KCNMA1: variants seen among roughly 807,000 people sequenced by gnomAD.
KCNMA1 encodes the protein potassium calcium-activated channel subfamily M alpha 1.
Under a neutral mutation model 140.0 loss-of-function variants are expected in KCNMA1, and 29 were observed. That is an observed-to-expected ratio of 0.21 (90% CI 0.15 to 0.28). KCNMA1 has a LOEUF of 0.28. Among genes scored for constraint, KCNMA1 ranks in the 10% least tolerant of loss-of-function variants. The probability of loss-of-function intolerance (pLI) is 1.00; values close to 1 mark genes in which losing one functional copy is unlikely to be tolerated. For synonymous variants in KCNMA1, 612 were observed against 611.9 expected (o/e 1.00, Z 0.00); for missense variants, 880 against 1,602.2 (o/e 0.55, Z 7.70).
chr10:77,492,572 T>C (rs982691665), intron 1 of KCNMA1, among the ~76,000 whole-genome samples: 1 of 152,184 alleles, frequency 6.6e-6, no homozygotes, highest in Non-Finnish European at 1.5e-5. Context: ...AATGGAGGTA[T>C]AGGGAAGTTA....
intron 5 of KCNMA1, chr10:77,140,659 A>G (rs2098143872): frequency 6.6e-6 from 1 of 152,116 alleles, no homozygotes; most frequent in Non-Finnish European, 1.5e-5. Context: ...ACCAGCATCT[A>G]TGTCCTGGTG....
intron 19 of KCNMA1, among the ~76,000 whole-genome samples, chr10:76,972,155 TAAC>T (rs775236055): frequency 6.6e-6 from 1 of 152,204 alleles, no homozygotes; most frequent in Non-Finnish European, 1.5e-5. Flanking sequence ...CTGGAGCAAA[TAAC>T]ACGTGTGTGT....
rs573517910 is a variant in KCNMA1 at position 77,543,103 on chromosome 10, G to A, written c.378+94162C>T. The stretch of plus-strand genomic sequence containing the variant: ...AGAAACACAGGTTCCAGGGCTCAAC[G>A]CTTAATTGAGGGGATCATCTAAATG... On this transcript the variant is annotated intron_variant, in intron 1 of 27. Transcript: ENST00000286628. Among the ~76,000 whole-genome samples the A allele has an allele frequency of 3.9e-4, 60 of 151,926 alleles. No homozygotes were observed. In the South Asian group the frequency reaches 9.0e-3, roughly 23 times the overall value.
intron 5 of KCNMA1, among the ~76,000 whole-genome samples, chr10:77,165,422 T>C (rs2154086540): frequency 6.6e-6 from 1 of 152,362 alleles, no homozygotes; most frequent in Non-Finnish European, 1.5e-5. Flanking sequence ...CATACATTTG[T>C]TCATTTTTTG....
At chr10:77,295,738 G>A (rs2074795549) in intron 2 of KCNMA1, among the ~76,000 whole-genome samples, 2 of 122,322 alleles carry the variant, frequency 1.6e-5, no homozygotes, top group Middle Eastern at 5.7e-3. Flanking sequence ...CCGAGATTGC[G>A]CCACTGCAGT....
intron 2 of KCNMA1, among the ~76,000 whole-genome samples, chr10:77,392,132 G>C (rs1470435129): frequency 5.1e-5 from 7 of 138,236 alleles, no homozygotes; most frequent in Admixed American, 1.5e-4. Flanking sequence ...GGAATGAGGC[G>C]AGGAAGGAAG....
intron 19 of KCNMA1, among the ~76,000 whole-genome samples, chr10:76,992,265 G>A (rs975964749): frequency 1.3e-5 from 2 of 152,128 alleles, no homozygotes; most frequent in African/African-American, 4.8e-5. Context: ...ATCTGAGCTG[G>A]ACATCAAAAG....
At chr10:77,342,413 T>C (rs928562497) in intron 2 of KCNMA1, among the ~76,000 whole-genome samples, 1 of 152,148 alleles carries the variant, frequency 6.6e-6, no homozygotes, top group Non-Finnish European at 1.5e-5. Flanking sequence ...GGAAATTCAG[T>C]CATTTGCCCA....
At chr10:77,396,064 G>A (rs1310000150) in intron 2 of KCNMA1, among the ~76,000 whole-genome samples, 1 of 152,172 alleles carries the variant, frequency 6.6e-6, no homozygotes, top group Non-Finnish European at 1.5e-5. Context: ...ATTAAGTCCT[G>A]GAAGGAAATT....
In KCNMA1 at chr10:76,889,214, G is replaced by A. The variant is rs11001919; in HGVS notation, c.3461+237C>T. On this transcript the variant is annotated intron_variant, in intron 27 of 27. Transcript: ENST00000286628. ...TTCAGACTTTTGTAATTAGGTGATGGAATTATTCTATTAATACAAAACTTG... is the reference window on the plus strand; with the variant it reads ...TTCAGACTTTTGTAATTAGGTGATGAAATTATTCTATTAATACAAAACTTG... Among the ~76,000 whole-genome samples, 24,181 of 152,182 alleles carry A rather than the reference G, an allele frequency of 0.16. 2,164 individuals carry two copies. Among genetic ancestry groups the A allele is most frequent in the Middle Eastern group, 0.21 (62 of 294 alleles).
At chr10:77,373,297 G>A (rs1232954602) in intron 2 of KCNMA1, among the ~76,000 whole-genome samples, 1 of 152,140 alleles carries the variant, frequency 6.6e-6, no homozygotes, top group African/African-American at 2.4e-5. Flanking sequence ...CCACCCAGGT[G>A]CCACCAACTC....
chr10:77,302,747 G>A (rs1458473224), intron 2 of KCNMA1, among the ~76,000 whole-genome samples: 1 of 152,130 alleles, frequency 6.6e-6, no homozygotes, highest in Non-Finnish European at 1.5e-5. Context: ...GATGGATACT[G>A]ATTGGTCTGT....
At chr10:76,977,497 A>G (rs1199516064) in intron 19 of KCNMA1, 16 of 701,386 alleles carry the variant, frequency 2.3e-5, no homozygotes, top group Non-Finnish European at 2.1e-5. Context: ...AGGACTTGCC[A>G]TAGAGACCAT....
At chr10:77,492,020 G>A (rs1030708189) in intron 1 of KCNMA1, among the ~76,000 whole-genome samples, 1 of 152,110 alleles carries the variant, frequency 6.6e-6, no homozygotes, top group African/African-American at 2.4e-5. Flanking sequence ...CGCCCTGCCG[G>A]TCCCGCCTCA....
intron 2 of KCNMA1, among the ~76,000 whole-genome samples, chr10:77,326,011 C>G (rs372860168): frequency 2.0e-5 from 3 of 152,166 alleles, no homozygotes; most frequent in Admixed American, 1.3e-4. Flanking sequence ...TTTCTTCCCC[C>G]CCATTTCTAA....
chr10:77,554,144 A>C (rs1449947732), intron 1 of KCNMA1, among the ~76,000 whole-genome samples: 1 of 152,192 alleles, frequency 6.6e-6, no homozygotes, highest in Admixed American at 6.5e-5. Flanking sequence ...GCCAAGCCGG[A>C]CTGCCCACAG....
At chr10:77,303,486 TACCCA>T (rs1406596940) in intron 2 of KCNMA1, among the ~76,000 whole-genome samples, 2 of 152,216 alleles carry the variant, frequency 1.3e-5, no homozygotes, top group Non-Finnish European at 2.9e-5. Flanking sequence ...GATTTTCTAA[TACCCA>T]TTGAATATTT....
chr10:77,028,805 G>A (rs140879736), intron 15 of KCNMA1, among the ~76,000 whole-genome samples: 10 of 152,256 alleles, frequency 6.6e-5, no homozygotes, highest in Middle Eastern at 3.4e-3. Context: ...TAGACCCACC[G>A]ATACAGAGAA....
chr10:76,877,563 A>G (rs1232559273), downstream of KCNMA1: 5 of 531,674 alleles, frequency 9.4e-6, no homozygotes. Context: ...TCTTTTCCAA[A>G]ATACATGGAA....
Sources: allele counts gnomAD v4.1 joint callset (sites outside exome capture counted in the v4.1 genomes callset), GRCh38; gene constraint gnomAD v4.1.1; transcripts MANE v1.5; gene names NCBI Gene and HGNC (gene_info 2026-07-23, HGNC 2026-07-21).